Variants in KNL1 observed in about 807,000 individuals in gnomAD.
The protein encoded by KNL1 is outer kinetochore KNL1 complex subunit KNL1.
A neutral mutation model predicts 201.3 loss-of-function variants in KNL1; 66 were observed. That is an observed-to-expected ratio of 0.33 (90% CI 0.27 to 0.40). The LOEUF (loss-of-function observed/expected upper bound fraction) is 0.40. Among genes scored for constraint, KNL1 ranks in the 10% least tolerant of loss-of-function variants. The pLI, the probability that KNL1 is intolerant of heterozygous loss-of-function variation, is 1.00. For missense variants in KNL1, 2,815 were observed against 2,690.5 expected (o/e 1.05, Z -1.02); for synonymous variants, 895 against 899.2 (o/e 1.00, Z 0.08).
At chr15:40,655,454 G>C (rs923380677) in intron 22 of KNL1, among the ~76,000 whole-genome samples, 1 of 151,706 alleles carries the variant, frequency 6.6e-6, no homozygotes, top group Non-Finnish European at 1.5e-5. Flanking sequence ...AGTTGGGCGC[G>C]GTGATGGGTG....
intron 13 of KNL1, among the ~76,000 whole-genome samples, chr15:40,633,081 T>C (rs1449227926): frequency 2.6e-5 from 4 of 151,744 alleles, no homozygotes; most frequent in African/African-American, 9.7e-5. Context: ...ATAATTCCAG[T>C]GCTTTGGGAG....
At chr15:40,640,038 G>A (rs1320869061) in intron 13 of KNL1, among the ~76,000 whole-genome samples, 1 of 150,060 alleles carries the variant, frequency 6.7e-6, no homozygotes, top group African/African-American at 2.4e-5. Context: ...TTTGATTTTT[G>A]TAAATAAGGA....
chr15:40,654,150 T>A (rs989107661), intron 21 of KNL1, among the ~76,000 whole-genome samples: 1 of 152,006 alleles, frequency 6.6e-6, no homozygotes, highest in Non-Finnish European at 1.5e-5. Context: ...AAAGAGAAAA[T>A]AATCAATTCA....
rs757265223 is a variant in KNL1 at position 40,624,107 on chromosome 15, T to G, written c.3843T>G (p.Asp1281Glu). The change falls in exon 10 of 26, where the codon GAT (aspartate) becomes GAG (glutamate). Residue 1281 changes from aspartate (D) to glutamate (E), a missense_variant. Physicochemically the swap from Asp to Glu is conservative, Grantham distance 45. Transcript: ENST00000399668. Reference protein sequence around the residue: ...QVESCQLNNRDRRNVDFTSSH... With the variant: ...QVESCQLNNRERRNVDFTSSH... ...AAAGCTGTCAGTTAAATAATAGAGATAGAAGAAATGTGGACTTTACAAGTA... is the reference window on the plus strand; with the variant it reads ...AAAGCTGTCAGTTAAATAATAGAGAGAGAAGAAATGTGGACTTTACAAGTA... 5.1e-5 allele frequency: 83 copies of G among 1,613,822 alleles called. No homozygotes were observed. Among genetic ancestry groups the G allele is most frequent in the Non-Finnish European group, 6.9e-5 (81 of 1,179,902 alleles).
chr15:40,664,117 C>A lies in KNL1; in HGVS notation c.*1929C>A, dbSNP rs879112354. On this transcript the variant is annotated 3_prime_UTR_variant, in exon 26 of 26. Coordinates refer to ENST00000399668, the MANE Select transcript of KNL1 (RefSeq NM_144508.5). ...TCTGAAAAGTAGAGATTTTGTTTTA[C>A]GCATTTTAGTAACCTGCAACAACCA... 1 of 183,924 alleles carries A rather than the reference C, an allele frequency of 5.4e-6. No homozygotes were observed. The highest frequency in any genetic ancestry group is 1.2e-5 in the Non-Finnish European group (1 of 86,620). 11.4% of individuals were successfully genotyped at this position (183,924 alleles called of 1,614,324 possible). A position where few individuals can be genotyped will look rare whatever the true frequency, so the allele number is the denominator to read the frequency against.
chr15:40,654,302 C>T (rs1391395483), intron 21 of KNL1, among the ~76,000 whole-genome samples: 1 of 151,998 alleles, frequency 6.6e-6, no homozygotes, highest in Non-Finnish European at 1.5e-5. Flanking sequence ...AGCCATTTTC[C>T]TTATATGATT....
intron 25 of KNL1, among the ~76,000 whole-genome samples, chr15:40,659,833 A>G (rs1202817335): frequency 2.0e-5 from 3 of 151,836 alleles, no homozygotes; most frequent in Admixed American, 1.3e-4. Flanking sequence ...AGTGGTCAGC[A>G]AATTAGTGGA....
intron 1 of KNL1, among the ~76,000 whole-genome samples, chr15:40,599,757 A>G (rs141008021): frequency 7.2e-4 from 107 of 149,554 alleles, no homozygotes; most frequent in East Asian, 2.4e-3. Flanking sequence ...GTAAATTGCA[A>G]GGTTGATTTT....
intron 13 of KNL1, among the ~76,000 whole-genome samples, chr15:40,636,184 G>A (rs1893051172): frequency 6.6e-6 from 1 of 152,226 alleles, no homozygotes. Context: ...GAAGTTCTCA[G>A]GTGCTGATTA....
rs1009235930 is a variant in KNL1, at chr15:40,651,625, G to T, written c.6314+53G>T. The stretch of plus-strand genomic sequence containing the variant: ...GTGTTTTATTCTGTACCTTGTGGTT[G>T]TTTAAACCGATTGGAGCAATTGATG... On this transcript the variant is annotated intron_variant, in intron 20 of 25. Coordinates refer to ENST00000399668, the MANE Select transcript of KNL1 (RefSeq NM_144508.5). The T allele has an allele frequency of 3.9e-6, 5 of 1,272,160 alleles. No homozygotes were observed. The Admixed American group carries it at 1.1e-4, about 28-fold the overall frequency. 78.8% of individuals were successfully genotyped at this position (1,272,160 alleles called of 1,614,324 possible).
intron 7 of KNL1, among the ~76,000 whole-genome samples, chr15:40,614,115 T>TC (rs1892265607): frequency 6.7e-6 from 1 of 149,010 alleles, no homozygotes; most frequent in African/African-American, 2.5e-5. Flanking sequence ...TTTTTTTTTT[T>TC]GAGATGGAGT....
intron 1 of KNL1, among the ~76,000 whole-genome samples, chr15:40,601,696 C>T (rs1338542516): frequency 6.6e-6 from 1 of 151,166 alleles, no homozygotes; most frequent in Non-Finnish European, 1.5e-5. Flanking sequence ...TCGTGGGCGC[C>T]TGTAGTCCCA....
At chr15:40,659,533 C>T in intron 25 of KNL1, 72 bp downstream of exon 25, 1 of 1,455,360 alleles carries the variant, frequency 6.9e-7, no homozygotes. Context: ...GGCTCTGTTG[C>T]CCAGGCTGGA....
At chr15:40,608,945 T>A in intron 5 of KNL1, 37 bp downstream of exon 5, 1 of 1,416,954 alleles carries the variant, frequency 7.1e-7, no homozygotes, top group Non-Finnish European at 9.9e-7. Flanking sequence ...ATATTATAGG[T>A]ACTGGTATTT....
At chr15:40,638,436 A>C (rs1252770834) in intron 13 of KNL1, among the ~76,000 whole-genome samples, 3 of 152,094 alleles carry the variant, frequency 2.0e-5, no homozygotes, top group Non-Finnish European at 4.4e-5. Context: ...CTCCTGCCTC[A>C]ACCTCCTGGG....
At chr15:40,599,525 A>C (rs1891722029) in intron 1 of KNL1, among the ~76,000 whole-genome samples, 1 of 150,800 alleles carries the variant, frequency 6.6e-6, no homozygotes, top group South Asian at 2.1e-4. Flanking sequence ...CTGGGACTAC[A>C]TGTGCGAGCC....
At chr15:40,635,918 GT>G (rs1893043526) in intron 13 of KNL1, among the ~76,000 whole-genome samples, 1 of 152,128 alleles carries the variant, frequency 6.6e-6, no homozygotes, top group Non-Finnish European at 1.5e-5. Flanking sequence ...CCAGGCTGGA[GT>G]GCACTTCCCG....
rs1893838947 is a variant in KNL1, at chr15:40,659,452, G to A, written c.6827G>A (p.Gly2276Glu). Reference sequence around the variant, plus strand: ...CCTTCCACCATTCAGAATCACGTTGGGAACACTAGGTGAGTAAAGGGCCAA... The same window carrying A: ...CCTTCCACCATTCAGAATCACGTTGAGAACACTAGGTGAGTAAAGGGCCAA... Reference protein sequence around the residue: ...PLPSTIQNHVGNTSQDDIATI... With the variant: ...PLPSTIQNHVENTSQDDIATI... Residue 2276 changes from glycine (G) to glutamate (E), a missense_variant, in exon 25 of 26, where the codon GGG (glycine) becomes GAG (glutamate). Physicochemically the swap from Gly to Glu is moderately conservative, Grantham distance 98. This residue lies in a region of KNL1 where 334 missense variants were observed against 362.6 expected (regional missense o/e 0.92). Transcript: ENST00000399668. 2.5e-6 allele frequency: 4 copies of A among 1,613,170 alleles called. No homozygotes were observed. Among genetic ancestry groups the A allele is most frequent in the Non-Finnish European group, 3.4e-6 (4 of 1,179,540 alleles).
At chr15:40,650,139 AAT>A in intron 17 of KNL1, 160 bp from the exon 18 acceptor site, 1 of 526,226 alleles carries the variant, frequency 1.9e-6, no homozygotes, top group Middle Eastern at 5.3e-4. Flanking sequence ...AAAAAAAAAA[AAT>A]AGAAACCATC....
Sources: allele counts gnomAD v4.1 joint callset (sites outside exome capture counted in the v4.1 genomes callset), GRCh38; gene constraint gnomAD v4.1.1; regional missense constraint gnomAD v4.1.1; transcripts MANE v1.5; gene names NCBI Gene and HGNC (gene_info 2026-07-23, HGNC 2026-07-21).